Variants in ZNRF3 observed in about 807,000 individuals in gnomAD.
ZNRF3 encodes the protein zinc and ring finger 3.
A neutral mutation model predicts 72.5 loss-of-function variants in ZNRF3; 23 were observed. The ratio of observed to expected loss-of-function variants is 0.32; its 90% CI spans 0.23 to 0.45. ZNRF3 has a LOEUF of 0.45. ZNRF3 is among the 20% of genes least tolerant of loss of function. The pLI, the probability that ZNRF3 is intolerant of heterozygous loss-of-function variation, is 1.00. For synonymous variants in ZNRF3, 610 were observed against 545.3 expected, an observed-to-expected ratio of 1.12 and a Z score of -1.65; for missense variants, 1,169 against 1,272.1, an observed-to-expected ratio of 0.92 and a Z score of 1.23.
rs2033829789 is a variant in ZNRF3, at chr22:28,888,506, GT to G, written c.300+4441del. ...AGGGGGAAAACTGGGGCTGTATTTT[GT>G]GATGTTATACATTCTTAGAGCCCCT... On this transcript the variant is annotated intron_variant, in intron 1 of 8. Coordinates refer to ENST00000544604, the MANE Select transcript of ZNRF3 (RefSeq NM_001206998.2). Among the ~76,000 whole-genome samples the G allele has an allele frequency of 2.0e-5, 3 of 152,140 alleles. No individual in the cohort carries two copies. In the South Asian group the frequency reaches 6.2e-4, roughly 31 times the overall value.
In ZNRF3 at chr22:28,925,338, T is replaced by C. The variant is rs188598649; in HGVS notation, c.300+41272T>C. Among the ~76,000 whole-genome samples, 11 of 152,308 alleles carry C rather than the reference T, an allele frequency of 7.2e-5. No homozygotes were observed. In the East Asian group the frequency reaches 2.1e-3, roughly 29 times the overall value. ...CATGTGTAAAACCAGATTTCTCTTC[T>C]CTCCACAAACCTGTTTCTGTTAGGT... On this transcript the variant is annotated intron_variant, in intron 1 of 8. Coordinates refer to ENST00000544604, the MANE Select transcript of ZNRF3 (RefSeq NM_001206998.2).
chr22:29,002,831 C>T (rs933832586), intron 2 of ZNRF3, among the ~76,000 whole-genome samples: 10 of 152,182 alleles, frequency 6.6e-5, no homozygotes, highest in East Asian at 3.9e-4. Flanking sequence ...CATGTACTTC[C>T]GAAAGCGCCT....
At chr22:28,917,067 C>G (rs1033342881) in intron 1 of ZNRF3, among the ~76,000 whole-genome samples, 5 of 151,994 alleles carry the variant, frequency 3.3e-5, no homozygotes, top group Non-Finnish European at 7.4e-5. Context: ...TATAGGATGC[C>G]CTTGCCAGTG....
intron 1 of ZNRF3, among the ~76,000 whole-genome samples, chr22:28,984,672 C>G (rs1013608920): frequency 6.6e-6 from 1 of 152,224 alleles, no homozygotes; most frequent in East Asian, 1.9e-4. Flanking sequence ...TGAGCCGGGT[C>G]TTGAGCCCTT....
At chr22:29,045,769 G>A (rs925619862) in intron 5 of ZNRF3, among the ~76,000 whole-genome samples, 2 of 152,302 alleles carry the variant, frequency 1.3e-5, no homozygotes, top group East Asian at 1.9e-4. Context: ...GAGCCACCAC[G>A]CCCGTCCCAA....
chr22:29,000,860 C>T (rs1217950475), intron 2 of ZNRF3, among the ~76,000 whole-genome samples: 1 of 152,060 alleles, frequency 6.6e-6, no homozygotes, highest in Non-Finnish European at 1.5e-5. Context: ...GCAACCATGG[C>T]TTACTGCAGC....
At chr22:28,977,077 A>T in intron 1 of ZNRF3, among the ~76,000 whole-genome samples, 1 of 152,188 alleles carries the variant, frequency 6.6e-6, no homozygotes, top group Non-Finnish European at 1.5e-5. Context: ...TCAGTTGTGC[A>T]TTTGGTACAG....
chr22:28,981,619 A>C (rs2123823053), intron 1 of ZNRF3, among the ~76,000 whole-genome samples: 1 of 152,368 alleles, frequency 6.6e-6, no homozygotes, highest in East Asian at 1.9e-4. Context: ...TTTTGAGAAT[A>C]AACAAAGATT....
At chr22:28,965,194 CGAG>C (rs1421561499) in intron 1 of ZNRF3, among the ~76,000 whole-genome samples, 2 of 152,104 alleles carry the variant, frequency 1.3e-5, no homozygotes, top group East Asian at 3.8e-4. Context: ...CAGCCACACA[CGAG>C]GACACTAATA....
At chr22:28,910,571 A>C (rs1015045305) in intron 1 of ZNRF3, among the ~76,000 whole-genome samples, 10 of 152,170 alleles carry the variant, frequency 6.6e-5, no homozygotes, top group Non-Finnish European at 1.3e-4. Flanking sequence ...TTTTCTGGCA[A>C]GGGTTGATGG....
chr22:28,886,000 A>G (rs1421405127), intron 1 of ZNRF3, among the ~76,000 whole-genome samples: 1 of 152,110 alleles, frequency 6.6e-6, no homozygotes, highest in Non-Finnish European at 1.5e-5. Flanking sequence ...TTACTTGTTA[A>G]GCAATCACTA....
rs1262981558 is a variant in ZNRF3 at position 29,049,750 on chromosome 22, C to T, written c.1569C>T (p.Ser523=). Residue 523 remains serine, a synonymous_variant, in exon 8 of 9, where the codon AGC becomes AGT. Transcript: ENST00000544604. The surrounding 1 kb of genome is among the most constrained non-coding windows in gnomAD (Gnocchi z 5.2). ...TGGCCCCGCCCTCCCACCTGGAGAG[C>T]GGCAGCACGTCCAGCTTCAGCTGCT... is the stretch of plus-strand genomic sequence containing the variant. The part of the protein sequence containing the change: ...VHVAPPSHLE[S]GSTSSFSCYH... 5.0e-6 allele frequency: 8 copies of T among 1,593,508 alleles called. No individual in the cohort carries two copies. The highest frequency in any genetic ancestry group is 3.4e-5 in the South Asian group (3 of 89,164).
Position 29,050,702 on chromosome 22 carries a change from G to T in ZNRF3, c.2521G>T (p.Gly841Cys). The T allele has an allele frequency of 6.2e-7, 1 of 1,612,192 alleles. No homozygotes were observed. The part of the protein sequence containing the change: ...IIPEDVDCDL[G>C]LPSDCQGTHS... ...TCCAGAGGATGTGGACTGTGATCTG[G>T]GCCTGCCCTCGGACTGCCAAGGGAC... is the stretch of plus-strand genomic sequence containing the variant. Residue 841 changes from glycine (G) to cysteine (C), a missense_variant, in exon 8 of 9, where the codon GGC becomes TGC. Gly to Cys is a radical substitution (Grantham distance 159, BLOSUM62 -3). This residue lies in a region of ZNRF3 where 783 missense variants were observed against 731.4 expected (regional missense o/e 1.07). Transcript: ENST00000544604.
At chr22:28,915,979 C>T (rs769331251) in intron 1 of ZNRF3, among the ~76,000 whole-genome samples, 25 of 152,188 alleles carry the variant, frequency 1.6e-4, no homozygotes, top group Non-Finnish European at 3.4e-4. Context: ...TTCCTTCATA[C>T]TTTTTTAGTT....
At chr22:28,998,176 G>A (rs1220420474) in intron 2 of ZNRF3, among the ~76,000 whole-genome samples, 2 of 151,886 alleles carry the variant, frequency 1.3e-5, no homozygotes, top group African/African-American at 4.8e-5. Context: ...GCGGGCACCT[G>A]TAATCCCAGC....
chr22:29,032,868 G>A (rs1227029801), intron 2 of ZNRF3, among the ~76,000 whole-genome samples: 1 of 152,224 alleles, frequency 6.6e-6, no homozygotes, highest in Non-Finnish European at 1.5e-5. Context: ...GATGTCATAA[G>A]TGCCACAGTG....
intron 1 of ZNRF3, among the ~76,000 whole-genome samples, chr22:28,897,255 G>A (rs1601533647): frequency 6.6e-6 from 1 of 152,352 alleles, no homozygotes; most frequent in Non-Finnish European, 1.5e-5. Context: ...GCGTGGGCCT[G>A]TGTGTTGCTG....
intron 1 of ZNRF3, among the ~76,000 whole-genome samples, chr22:28,939,390 G>A (rs1414019925): frequency 6.6e-6 from 1 of 151,838 alleles, no homozygotes; most frequent in Non-Finnish European, 1.5e-5. Flanking sequence ...TAGTAAATAT[G>A]TACATATAAT....
At chr22:28,991,454 T>A (rs544695715) in intron 2 of ZNRF3, among the ~76,000 whole-genome samples, 1 of 152,120 alleles carries the variant, frequency 6.6e-6, no homozygotes, top group East Asian at 1.9e-4. Flanking sequence ...GAAAGGGTAC[T>A]TCATTCAGTT....
Sources: allele counts gnomAD v4.1 joint callset (sites outside exome capture counted in the v4.1 genomes callset), GRCh38; gene constraint gnomAD v4.1.1; regional missense constraint gnomAD v4.1.1; non-coding constraint Gnocchi (gnomAD v3.1); transcripts MANE v1.5; gene names NCBI Gene and HGNC (gene_info 2026-07-23, HGNC 2026-07-21).